TMEM182: variants seen among roughly 807,000 people sequenced by gnomAD.
The protein encoded by TMEM182 is transmembrane protein 182.
In TMEM182, 20 loss-of-function variants were observed where a neutral mutation model predicts 26.8. The ratio of observed to expected loss-of-function variants is 0.75; its 90% CI spans 0.53 to 1.09. The LOEUF (loss-of-function observed/expected upper bound fraction) is 1.09, where lower values mean the gene tolerates loss of function less well. Among genes scored for constraint, TMEM182 ranks in the 50% least tolerant of loss-of-function variants. The pLI is 0.00. For missense variants in TMEM182, 277 were observed against 275.5 expected (o/e 1.01, Z -0.04); for synonymous variants, 109 against 102.2 (o/e 1.07, Z -0.40).
In TMEM182 at chr2:102,803,933, G is replaced by A. The variant is rs983773141; in HGVS notation, c.469+5933G>A. Among the ~76,000 whole-genome samples, 14 of 151,736 alleles carry A rather than the reference G, an allele frequency of 9.2e-5. No homozygotes were observed. The South Asian group carries it at 1.3e-3, about 14-fold the overall frequency. On this transcript the variant is annotated intron_variant, in intron 4 of 4. Coordinates refer to ENST00000412401, the MANE Select transcript of TMEM182 (RefSeq NM_144632.5). ...ACCTGCAGGCACATGCAGCTCTGCC[G>A]TCTACACCTGCAGGCACACGCAGCC...
intron 3 of TMEM182, among the ~76,000 whole-genome samples, chr2:102,786,692 G>A (rs1051073194): frequency 1.3e-5 from 2 of 152,180 alleles, no homozygotes; most frequent in African/African-American, 2.4e-5. Flanking sequence ...GCTTCACTCT[G>A]TTCCCTGGCC....
chr2:102,745,781 A>T (rs1216303153), intron 1 of TMEM182, among the ~76,000 whole-genome samples: 1 of 152,198 alleles, frequency 6.6e-6, no homozygotes, highest in African/African-American at 2.4e-5. Context: ...TTCAGGGTTC[A>T]TCCAGGTTGT....
intron 1 of TMEM182, among the ~76,000 whole-genome samples, chr2:102,756,314 T>A (rs1425711986): frequency 6.6e-6 from 1 of 152,242 alleles, no homozygotes; most frequent in East Asian, 1.9e-4. Context: ...TAAAGTGGAA[T>A]ATAAAGCTAA....
At chr2:102,809,340 A>T (rs1258289518) in intron 4 of TMEM182, among the ~76,000 whole-genome samples, 1 of 152,198 alleles carries the variant, frequency 6.6e-6, no homozygotes, top group East Asian at 1.9e-4. Flanking sequence ...TACAGTAAAT[A>T]CATAGCTTAT....
At chr2:102,835,504 T>A (rs1480453455) in intron 3 of TMEM182, among the ~76,000 whole-genome samples, 1 of 152,090 alleles carries the variant, frequency 6.6e-6, no homozygotes, top group Admixed American at 6.6e-5. Context: ...GGTTTACTCT[T>A]GGTGCTGTAC....
At chr2:102,802,917 A>T (rs958625336) in intron 4 of TMEM182, among the ~76,000 whole-genome samples, 1 of 152,148 alleles carries the variant, frequency 6.6e-6, no homozygotes, top group Non-Finnish European at 1.5e-5. Context: ...GCAAACTGGG[A>T]TGTATGTGGA....
At chr2:102,762,720 CTG>C (rs1680265847) in intron 2 of TMEM182, 34 bp downstream of exon 2, 1 of 1,560,440 alleles carries the variant, frequency 6.4e-7, no homozygotes, top group South Asian at 1.1e-5. Flanking sequence ...TCCCTCTTGT[CTG>C]TAAAATAAAA....
chr2:102,838,989 C>T (rs1045505631), intron 3 of TMEM182, among the ~76,000 whole-genome samples: 2 of 152,186 alleles, frequency 1.3e-5, no homozygotes, highest in Non-Finnish European at 2.9e-5. Context: ...ACCATGCATT[C>T]ATGATTAGTA....
chr2:102,792,909 C>G (rs1451313709), intron 3 of TMEM182, among the ~76,000 whole-genome samples: 1 of 152,170 alleles, frequency 6.6e-6, no homozygotes, highest in Non-Finnish European at 1.5e-5. Flanking sequence ...TTCTGGGGCG[C>G]ATTTTTTCCA....
chr2:102,802,415 G>A (rs1682181550), intron 4 of TMEM182, among the ~76,000 whole-genome samples: 1 of 152,184 alleles, frequency 6.6e-6, no homozygotes, highest in Admixed American at 6.5e-5. Flanking sequence ...GGCAGGCCAG[G>A]CCACCTGTTT....
chr2:102,812,314 A>C (rs995884915), intron 4 of TMEM182, among the ~76,000 whole-genome samples: 3 of 151,066 alleles, frequency 2.0e-5, no homozygotes, highest in African/African-American at 7.3e-5. Context: ...CATATCCACT[A>C]AACCATTGGC....
chr2:102,794,377 A>G (rs1043052534), intron 3 of TMEM182, among the ~76,000 whole-genome samples: 3 of 152,250 alleles, frequency 2.0e-5, no homozygotes, highest in Admixed American at 6.5e-5. Context: ...CTTTATTTAC[A>G]TGGATATTAA....
chr2:102,825,746 T>C (rs1683019372), intron 3 of TMEM182, among the ~76,000 whole-genome samples: 1 of 152,234 alleles, frequency 6.6e-6, no homozygotes, highest in Non-Finnish European at 1.5e-5. Context: ...GTGATTGTGA[T>C]GTTTGAGCAT....
At position 102,798,206 on chromosome 2, in the gene TMEM182, C is replaced by T. The variant is rs375985384; in HGVS notation, c.469+206C>T. 2.3e-4 allele frequency among the ~76,000 whole-genome samples: 35 copies of T among 152,308 alleles called. No individual in the cohort carries two copies. The South Asian group carries it at 4.6e-3, about 20-fold the overall frequency. On this transcript the variant is annotated intron_variant, in intron 4 of 4. Coordinates refer to ENST00000412401, the MANE Select transcript of TMEM182 (RefSeq NM_144632.5). ...GTGTCGGACACTTTTCAGGGACTTT[C>T]CCTTTTCCACATGCTGACACATTTA...
intron 3 of TMEM182, among the ~76,000 whole-genome samples, chr2:102,794,721 G>A (rs949222183): frequency 6.6e-6 from 1 of 152,096 alleles, no homozygotes; most frequent in Non-Finnish European, 1.5e-5. Flanking sequence ...CTGCTTTCAA[G>A]ACTTTTTTTT....
chr2:102,756,547 A>AAGT (rs1445735855), intron 1 of TMEM182, among the ~76,000 whole-genome samples: 1 of 152,004 alleles, frequency 6.6e-6, no homozygotes, highest in Non-Finnish European at 1.5e-5. Flanking sequence ...ATCTCTACTA[A>AAGT]AAACACAAAA....
chr2:102,786,375 T>G (rs1681397405), intron 3 of TMEM182, among the ~76,000 whole-genome samples: 1 of 152,070 alleles, frequency 6.6e-6, no homozygotes, highest in Non-Finnish European at 1.5e-5. Flanking sequence ...CCACCGCACC[T>G]GGCTAATTTT....
At chr2:102,835,881 T>A (rs1462352405) in intron 3 of TMEM182, among the ~76,000 whole-genome samples, 1 of 130,632 alleles carries the variant, frequency 7.7e-6, no homozygotes, top group Non-Finnish European at 1.6e-5. Flanking sequence ...CGGTGTGTGA[T>A]GTTCCCCTTC....
At chr2:102,797,693 C>T (rs369032673) in intron 3 of TMEM182, 170 bp from the exon 4 acceptor site, 7 of 721,614 alleles carry the variant, frequency 9.7e-6, no homozygotes, top group East Asian at 5.7e-5. Flanking sequence ...ATTCCAAGGT[C>T]ATCTGATAAG....
Sources: gnomAD v4.1 joint callset for allele counts (sites outside exome capture counted in the v4.1 genomes callset) on GRCh38, gnomAD v4.1.1 for gene constraint, MANE v1.5 for transcripts, NCBI Gene and HGNC (gene_info 2026-07-23, HGNC 2026-07-21) for gene names.